E2F4: variants seen among roughly 807,000 people sequenced by gnomAD.
E2F4 encodes E2F transcription factor 4.
Under a neutral mutation model 44.5 loss-of-function variants are expected in E2F4, and 16 were observed. The observed-to-expected ratio is 0.36, with a 90% CI of 0.24 to 0.55. E2F4 has a LOEUF of 0.55. Among genes scored for constraint, E2F4 ranks in the 20% least tolerant of loss-of-function variants. The pLI, the probability that E2F4 is intolerant of heterozygous loss-of-function variation, is 0.87. For synonymous variants in E2F4, 242 were observed against 207.2 expected, an observed-to-expected ratio of 1.17 and a Z score of -1.44; for missense variants, 473 against 522.1, an observed-to-expected ratio of 0.91 and a Z score of 0.92.
intron 6 of E2F4, 105 bp from the exon 7 acceptor site, chr16:67,195,677 C>A: frequency 6.4e-7 from 1 of 1,553,394 alleles, no homozygotes; most frequent in Non-Finnish European, 8.7e-7. Context: ...CTCCTTGGGT[C>A]TGGGAACCAG....
rs2033009884 is a variant in E2F4 at position 67,198,339 on chromosome 16, G to A, written c.*216G>A. The stretch of plus-strand genomic sequence containing the variant: ...GGAACAGGACTCAGCCCCCATCACC[G>A]TGGAGCCAAAGTGTTTGCTTCTCCC... On this transcript the variant is annotated 3_prime_UTR_variant, in exon 10 of 10. Transcript: ENST00000379378. 9 of 563,768 alleles carry A rather than the reference G, an allele frequency of 1.6e-5. No homozygotes were observed. The highest frequency in any genetic ancestry group is 2.1e-5 in the South Asian group (1 of 47,926). The allele number at this position is 563,768 out of a possible 1,614,324, so 34.9% of individuals were successfully genotyped here. A position where few individuals can be genotyped will look rare whatever the true frequency, so the allele number is the denominator to read the frequency against.
intron 7 of E2F4, among the ~76,000 whole-genome samples, chr16:67,197,163 CT>C (rs1037088739): frequency 1.3e-5 from 2 of 152,334 alleles, no homozygotes; most frequent in Non-Finnish European, 2.9e-5. Context: ...TCTGCTTCCC[CT>C]GTGTCCTCCT....
intron 4 of E2F4, 148 bp downstream of exon 4, chr16:67,193,663 C>T (rs949751262): frequency 6.0e-6 from 5 of 832,308 alleles, no homozygotes; most frequent in Non-Finnish European, 9.7e-6. Context: ...AGTCTTCTGT[C>T]TGAGTGTCAC....
chr16:67,197,513 G>A, intron 7 of E2F4, 86 bp from the exon 8 acceptor site: 1 of 1,368,778 alleles, frequency 7.3e-7, no homozygotes, highest in Admixed American at 1.7e-5. Flanking sequence ...CTCAGGGTGG[G>A]TGGTATAGGA....
chr16:67,194,240 G>A (rs1458273271), intron 4 of E2F4, 158 bp from the exon 5 acceptor site: 1 of 702,178 alleles, frequency 1.4e-6, no homozygotes, highest in Non-Finnish European at 2.3e-6. Context: ...AGGAAGAGAA[G>A]AGCTTTAGCT....
At chr16:67,195,714 C>A (rs1190746224) in intron 6 of E2F4, 68 bp from the exon 7 acceptor site, 1 of 1,599,938 alleles carries the variant, frequency 6.3e-7, no homozygotes, top group East Asian at 2.3e-5. Flanking sequence ...TGTCTGGGTT[C>A]CAGCACAGCC....
chr16:67,197,756 T>G, intron 8 of E2F4, 110 bp downstream of exon 8: 2 of 1,600,846 alleles, frequency 1.2e-6, no homozygotes, highest in Middle Eastern at 3.3e-4. Context: ...TTATGGTAAC[T>G]GGGGCAAAGG....
At position 67,192,847 on chromosome 16, in the gene E2F4, G is replaced by A; in HGVS notation, c.222G>A (p.Lys74=). Residue 74 remains lysine, a synonymous_variant, in exon 2 of 10, where the codon AAG becomes AAA. Coordinates refer to ENST00000379378, the MANE Select transcript of E2F4 (RefSeq NM_001950.4). ...VLEGIGLIEK[K]SKNSIQWKGV... Reference sequence around the variant, plus strand: ...AAGGTATCGGGCTAATCGAGAAAAAGTCCAAGAACAGCATCCAGTGGAAGT... The same window carrying A: ...AAGGTATCGGGCTAATCGAGAAAAAATCCAAGAACAGCATCCAGTGGAAGT... The A allele has an allele frequency of 1.2e-6, 2 of 1,612,320 alleles. No homozygotes were observed. Among genetic ancestry groups the A allele is most frequent in the South Asian group, 2.2e-5 (2 of 90,706 alleles).
chr16:67,193,398 T>C, intron 3 of E2F4, 74 bp from the exon 4 acceptor site: 1 of 1,586,818 alleles, frequency 6.3e-7, no homozygotes. Flanking sequence ...AGACCTTAGC[T>C]AAAGAATTGG....
chr16:67,194,797 G>T lies in E2F4; in HGVS notation c.625G>T (p.Val209Leu). ...GAGCTCACCCCCTGTGGCTGTGCCTGTGCCACCACCTGAAGATTTGCTCCA... is the reference window on the plus strand; with the variant it reads ...GAGCTCACCCCCTGTGGCTGTGCCTTTGCCACCACCTGAAGATTTGCTCCA... ...AWSSPPVAVP[V>L]PPPEDLLQSP... The change falls in exon 6 of 10, where the codon GTG becomes TTG. Residue 209 changes from valine (V) to leucine (L), a missense_variant. By Grantham distance (32) the Val-to-Leu change is conservative. Transcript: ENST00000379378. 6.2e-7 allele frequency: 1 copy of T among 1,614,206 alleles called. No homozygotes were observed. Among genetic ancestry groups the T allele is most frequent in the Non-Finnish European group, 8.5e-7 (1 of 1,180,014 alleles).
At chr16:67,192,408 C>G (rs765749645) in intron 1 of E2F4, 46 bp downstream of exon 1, 30 of 1,418,288 alleles carry the variant, frequency 2.1e-5, no homozygotes, top group Non-Finnish European at 2.7e-5. Flanking sequence ...GTGGACCAGG[C>G]CTGGGCCGGT....
At chr16:67,192,910 C>A in intron 2 of E2F4, 40 bp downstream of exon 2, 1 of 1,584,316 alleles carries the variant, frequency 6.3e-7, no homozygotes, top group Middle Eastern at 1.7e-4. Context: ...GTCTCCCACC[C>A]AGAAGTGTCG....
Position 67,195,890 on chromosome 16 carries a change from ACAGCAG to A in E2F4, c.953_958del (p.Ser318_Ser319del), listed in dbSNP as rs3830472. On this transcript the variant is annotated inframe_deletion, in exon 7 of 10. Transcript: ENST00000379378. ...CCACTGCAGTCTTCTGCCCTGCTGG[ACAGCAG>A]CAGCAGCAGCAGCAGCAGCAGCAGC... 4,276 of 1,607,448 alleles carry A rather than the reference ACAGCAG, an allele frequency of 2.7e-3. 4 individuals are homozygous for A. The highest frequency in any genetic ancestry group is 3.6e-3 in the South Asian group (322 of 90,484).
rs1180159540 is a variant in E2F4 at position 67,198,117 on chromosome 16, C to G, written c.1236C>G (p.Asn412Lys). ...ACCTCTTTGATGTGCCTGTTCTCAA[C>G]CTCTGACTGACAGGGACATGCCCTG... Reference protein sequence around the residue: ...VCDLFDVPVLNL With the variant: ...VCDLFDVPVLKL Residue 412 changes from asparagine (N) to lysine (K), a missense_variant, in exon 10 of 10, where the codon AAC becomes AAG. Transcript: ENST00000379378. 1 of 1,613,276 alleles carries G rather than the reference C, an allele frequency of 6.2e-7. No individual in the cohort carries two copies. The highest frequency in any genetic ancestry group is 1.1e-5 in the South Asian group (1 of 91,072).
rs758109303 is a variant in E2F4 at position 67,193,478 on chromosome 16, C to G, written c.414C>G (p.Ala138=). 1.2e-6 allele frequency: 2 copies of G among 1,614,114 alleles called. No individual in the cohort carries two copies. Among genetic ancestry groups the G allele is most frequent in the African/African-American group, 2.7e-5 (2 of 74,938 alleles). ...VTEDVQNSCL[A]YVTHEDICRC... is the part of the protein sequence containing the mutation. Reference sequence around the variant, plus strand: ...TTCTCCTTAACCCTCACACTTTGGCCTACGTCACTCATGAGGACATCTGCA... The same window carrying G: ...TTCTCCTTAACCCTCACACTTTGGCGTACGTCACTCATGAGGACATCTGCA... The change falls in exon 4 of 10, where the codon GCC becomes GCG. Residue 138 remains alanine, a synonymous_variant. Transcript: ENST00000379378.
intron 3 of E2F4, 104 bp downstream of exon 3, chr16:67,193,274 C>G (rs1318941045): frequency 2.0e-6 from 3 of 1,518,782 alleles, no homozygotes; most frequent in Non-Finnish European, 2.7e-6. Context: ...TAGCCACTGG[C>G]CATGGCCCAG....
intron 6 of E2F4, 41 bp from the exon 7 acceptor site, chr16:67,195,741 T>C (rs1420442917): frequency 6.2e-7 from 1 of 1,612,670 alleles, no homozygotes; most frequent in African/African-American, 1.3e-5. Context: ...AACGACCTCT[T>C]CCTGACCTTG....
rs148234724 is a variant in E2F4 at position 67,192,829 on chromosome 16, C to T, written c.204C>T (p.Ile68=). ...ACATTACCAATGTTTTGGAAGGTAT[C>T]GGGCTAATCGAGAAAAAGTCCAAGA... is the stretch of plus-strand genomic sequence containing the variant. ...IYDITNVLEG[I]GLIEKKSKNS... is the part of the protein sequence containing the mutation. The change falls in exon 2 of 10, where the codon ATC becomes ATT. Residue 68 remains isoleucine, a synonymous_variant. Coordinates refer to ENST00000379378, the MANE Select transcript of E2F4 (RefSeq NM_001950.4). The T allele has an allele frequency of 1.3e-5, 21 of 1,612,608 alleles. No individual in the cohort carries two copies. The highest frequency in any genetic ancestry group is 2.2e-5 in the East Asian group (1 of 44,884).
At position 67,198,432 on chromosome 16, in the gene E2F4, AC is replaced by A. The variant is rs1202379205; in HGVS notation, c.*315del. The A allele has an allele frequency of 1.7e-5, 6 of 353,702 alleles. No homozygotes were observed. The highest frequency in any genetic ancestry group is 3.2e-5 in the Non-Finnish European group (6 of 187,680). 21.9% of individuals were successfully genotyped at this position (353,702 alleles called of 1,614,324 possible). ...GGCACAGAACCGAGGAGCTGCCATT[AC>A]CCCCCATAGGGGGCAGTGTCTTGTT... On this transcript the variant is annotated 3_prime_UTR_variant, in exon 10 of 10. Transcript: ENST00000379378.
Sources: allele counts gnomAD v4.1 joint callset (sites outside exome capture counted in the v4.1 genomes callset), GRCh38; gene constraint gnomAD v4.1.1; transcripts MANE v1.5; gene names NCBI Gene and HGNC (gene_info 2026-07-23, HGNC 2026-07-21).